The following NAV1 variants were observed in gnomAD, a reference collection of about 807,000 sequenced individuals.
NAV1 encodes pore membrane and/or filament interacting like protein 3.
NAV1 carries 18 observed loss-of-function variants against 175.2 expected under a neutral mutation model. The ratio of observed to expected loss-of-function variants is 0.10; its 90% CI spans 0.07 to 0.15. The LOEUF is 0.15. Ranked by LOEUF, NAV1 falls within the 10% of genes least tolerant of loss-of-function variation. The pLI, the probability that NAV1 is intolerant of heterozygous loss-of-function variation, is 1.00. For missense variants in NAV1, 1,731 were observed against 2,436.6 expected (o/e 0.71, Z 6.10); for synonymous variants, 897 against 978.7 (o/e 0.92, Z 1.56).
At chr1:201,541,697 C>T (rs531326404) in intron 1 of NAV1, among the ~76,000 whole-genome samples, 1 of 152,280 alleles carries the variant, frequency 6.6e-6, no homozygotes, top group African/African-American at 2.4e-5. Flanking sequence ...TTGCTTGAAC[C>T]CGGGAGGCAG....
intron 2 of NAV1, among the ~76,000 whole-genome samples, chr1:201,599,233 CAT>C: frequency 6.6e-6 from 1 of 152,320 alleles, no homozygotes. Flanking sequence ...AGCTCCTCCT[CAT>C]GTCATTTTCT....
exon 1 of NAV1, chr1:201,648,740 G>T (rs1482868613): frequency 3.5e-5 from 50 of 1,410,700 alleles, no homozygotes; most frequent in Non-Finnish European, 4.2e-5. Flanking sequence ...ACGAGGGCGC[G>T]GACGAACCGC....
At chr1:201,630,562 C>T (rs765051648) in intron 2 of NAV1, among the ~76,000 whole-genome samples, 1 of 152,164 alleles carries the variant, frequency 6.6e-6, no homozygotes, top group Non-Finnish European at 1.5e-5. Context: ...CCTTTCTAGG[C>T]CTGGTCTATA....
chr1:201,586,130 T>C (rs1433649023), intron 1 of NAV1, among the ~76,000 whole-genome samples: 1 of 152,136 alleles, frequency 6.6e-6, no homozygotes, highest in Non-Finnish European at 1.5e-5. Flanking sequence ...TTATTCAGCC[T>C]TACAGAGGAA....
intron 1 of NAV1, among the ~76,000 whole-genome samples, chr1:201,683,461 A>C (rs1670547804): frequency 1.3e-5 from 2 of 152,134 alleles, no homozygotes; most frequent in Non-Finnish European, 2.9e-5. Flanking sequence ...GATTCTCATA[A>C]GGAGTGTGCA....
At chr1:201,609,300 C>A (rs1286909415) in intron 2 of NAV1, among the ~76,000 whole-genome samples, 1 of 152,244 alleles carries the variant, frequency 6.6e-6, no homozygotes, top group Admixed American at 6.5e-5. Context: ...CACCTCACAA[C>A]ATAGTCCCAC....
chr1:201,639,850 G>A (rs1000997128), intron 2 of NAV1, among the ~76,000 whole-genome samples: 4 of 152,296 alleles, frequency 2.6e-5, no homozygotes, highest in Non-Finnish European at 2.9e-5. Flanking sequence ...TTGTTTACTT[G>A]TGTGACTAGA....
intron 13 of NAV1, chr1:201,791,891 C>A (rs1677142757): frequency 6.6e-6 from 1 of 152,206 alleles, no homozygotes; most frequent in Non-Finnish European, 1.5e-5. Context: ...ACCATCTTTT[C>A]TCTCCCTTGT....
At chr1:201,691,694 C>T (rs373225168) in intron 1 of NAV1, among the ~76,000 whole-genome samples, 6 of 152,144 alleles carry the variant, frequency 3.9e-5, no homozygotes, top group East Asian at 3.9e-4. Flanking sequence ...CTTAGGACGC[C>T]GTGGAATCGC....
intron 2 of NAV1, among the ~76,000 whole-genome samples, chr1:201,598,404 G>A (rs1667416805): frequency 6.6e-6 from 1 of 152,176 alleles, no homozygotes; most frequent in South Asian, 2.1e-4. Context: ...TTACCCCGTA[G>A]GAGGGTCGTT....
intron 2 of NAV1, among the ~76,000 whole-genome samples, chr1:201,713,540 C>T (rs1227485206): frequency 6.6e-6 from 1 of 152,224 alleles, no homozygotes; most frequent in Admixed American, 6.5e-5. Flanking sequence ...CACGGCACCT[C>T]TCTCTGGAGC....
At chr1:201,826,903 C>T (rs1679702058) in exon 30 of NAV1, 1 of 152,282 alleles carries the variant, frequency 6.6e-6, no homozygotes, top group Non-Finnish European at 1.5e-5. Context: ...TCTGGCATGT[C>T]TCCTCCCAGC....
intron 1 of NAV1, among the ~76,000 whole-genome samples, chr1:201,674,712 G>T (rs1670176135): frequency 1.3e-5 from 2 of 152,138 alleles, no homozygotes; most frequent in South Asian, 4.2e-4. Flanking sequence ...AGTTGTGGGG[G>T]TAAGTGCCAC....
Position 201,617,206 on chromosome 1 carries a change from GTC to G in NAV1, c.-32-5613_-32-5612del, listed in dbSNP as rs3054501. Among the ~76,000 whole-genome samples, 1,192 of 137,584 alleles carry G rather than the reference GTC, an allele frequency of 8.7e-3. 4 individuals carry two copies. The highest frequency in any genetic ancestry group is 9.0e-3 in the Non-Finnish European group (542 of 60,050). 90.3% of individuals were successfully genotyped at this position (137,584 alleles called of 152,430 possible). On this transcript the variant is annotated intron_variant, in intron 2 of 33. Transcript: ENST00000685211. Reference sequence around the variant, plus strand: ...TCTGATAAGATTCCCCAATCTCTCTGTCTCTCTCTCTCTCTCTCTCTCTCTCT... The same window carrying G: ...TCTGATAAGATTCCCCAATCTCTCTGTCTCTCTCTCTCTCTCTCTCTCTCT...
At chr1:201,601,045 C>T (rs578186324) in intron 2 of NAV1, among the ~76,000 whole-genome samples, 1 of 152,354 alleles carries the variant, frequency 6.6e-6, no homozygotes, top group East Asian at 1.9e-4. Flanking sequence ...GCAGCCATAG[C>T]AGTCACCCGT....
At chr1:201,662,000 CTG>C (rs1374307798) in intron 1 of NAV1, among the ~76,000 whole-genome samples, 1 of 152,218 alleles carries the variant, frequency 6.6e-6, no homozygotes, top group Non-Finnish European at 1.5e-5. Context: ...AATGAAGAAA[CTG>C]AGAGGTTAAG....
rs916524922 is a variant in NAV1, at chr1:201,642,382, T to TTTTG, written c.5-6232_5-6229dup. Among the ~76,000 whole-genome samples the TTTTG allele has an allele frequency of 1.6e-4, 24 of 151,686 alleles. No individual in the cohort carries two copies. In the East Asian group the frequency reaches 3.9e-3, roughly 25 times the overall value. On this transcript the variant is annotated intron_variant, in intron 2 of 29. Transcript: ENST00000367302. ...CGCCCGCCACCACACCCAGCTAATTTTTTGTTTGTTTGTTTGTTTGTTTTA... is the reference window on the plus strand; with the variant it reads ...CGCCCGCCACCACACCCAGCTAATTTTTTGTTTGTTTGTTTGTTTGTTTGTTTTA...
intron 2 of NAV1, among the ~76,000 whole-genome samples, chr1:201,603,820 T>C (rs1299141305): frequency 2.0e-5 from 3 of 152,236 alleles, no homozygotes; most frequent in Non-Finnish European, 4.4e-5. Flanking sequence ...TGCATTACTC[T>C]GGATGGAAGC....
chr1:201,789,405 C>T (rs928050509), intron 10 of NAV1, among the ~76,000 whole-genome samples: 1 of 152,112 alleles, frequency 6.6e-6, no homozygotes, highest in African/African-American at 2.4e-5. Context: ...CCCTCTCCTG[C>T]GGCTAAGGTG....
Sources: allele counts gnomAD v4.1 joint callset (sites outside exome capture counted in the v4.1 genomes callset), GRCh38; gene constraint gnomAD v4.1.1; transcripts MANE v1.5; gene names NCBI Gene and HGNC (gene_info 2026-07-23, HGNC 2026-07-21).